The following ADGRL3 variants were observed in gnomAD, a reference collection of about 807,000 sequenced individuals.
ADGRL3 encodes calcium-independent alpha-latrotoxin receptor 3.
In ADGRL3, 62 loss-of-function variants were observed where a neutral mutation model predicts 153.5. The observed-to-expected ratio is 0.40, with a 90% CI of 0.33 to 0.50. The LOEUF is 0.50. Ranked by LOEUF, ADGRL3 falls within the 20% of genes least tolerant of loss-of-function variation. ADGRL3 has a pLI of 0.47. For missense variants in ADGRL3, 1,641 were observed against 1,859.4 expected, an observed-to-expected ratio of 0.88 and a Z score of 2.16; for synonymous variants, 710 against 672.5, an observed-to-expected ratio of 1.06 and a Z score of -0.86.
At chr4:62,021,576 TA>T (rs1462460142) in intron 21 of ADGRL3, among the ~76,000 whole-genome samples, 1 of 152,208 alleles carries the variant, frequency 6.6e-6, no homozygotes, top group Non-Finnish European at 1.5e-5. Context: ...TTGCATTTTT[TA>T]CAAATTGTAA....
intron 17 of ADGRL3, among the ~76,000 whole-genome samples, chr4:61,955,863 A>C: frequency 6.6e-6 from 1 of 152,254 alleles, no homozygotes; most frequent in Non-Finnish European, 1.5e-5. Context: ...AAAGGACATG[A>C]CCTCATTCCT....
Position 61,587,313 on chromosome 4 carries a change from A to G in ADGRL3, c.346A>G (p.Thr116Ala), listed in dbSNP as rs750964641. Reference sequence around the variant, plus strand: ...TCCTATAGAGCTTCGCTGTCCAGGAACAGACGTCATCATGATAGAAAGTGC... The same window carrying G: ...TCCTATAGAGCTTCGCTGTCCAGGAGCAGACGTCATCATGATAGAAAGTGC... ...SYPIELRCPG[T>A]DVIMIESANY... The change falls in exon 5 of 27, where the codon ACA becomes GCA. Residue 116 changes from threonine (T) to alanine (A), a missense_variant. Transcript: ENST00000683033. 3 of 1,612,088 alleles carry G rather than the reference A, an allele frequency of 1.9e-6. No individual in the cohort carries two copies. The highest frequency in any genetic ancestry group is 2.5e-6 in the Non-Finnish European group (3 of 1,178,920).
At chr4:61,280,396 T>C (rs556591966) in intron 1 of ADGRL3, among the ~76,000 whole-genome samples, 40 of 139,460 alleles carry the variant, frequency 2.9e-4, no homozygotes, top group African/African-American at 1.0e-3. Flanking sequence ...CATGAGCCAC[T>C]GCGCCTGGCC....
chr4:61,308,286 G>A (rs1427857204), intron 1 of ADGRL3, among the ~76,000 whole-genome samples: 2 of 152,136 alleles, frequency 1.3e-5, no homozygotes, highest in African/African-American at 4.8e-5. Context: ...GGAGGGAAAA[G>A]TCTCCCACCC....
At chr4:61,330,155 T>C (rs1240586174) in intron 1 of ADGRL3, among the ~76,000 whole-genome samples, 1 of 152,200 alleles carries the variant, frequency 6.6e-6, no homozygotes, top group Non-Finnish European at 1.5e-5. Context: ...GACAGACGTA[T>C]TCTTTGGTGA....
chr4:61,566,614 TG>T (rs1214249722), intron 4 of ADGRL3, among the ~76,000 whole-genome samples: 1 of 152,138 alleles, frequency 6.6e-6, no homozygotes, highest in African/African-American at 2.4e-5. Flanking sequence ...AAATTAATTT[TG>T]GCATAAACTG....
At chr4:62,066,022 A>G (rs983530929) in intron 25 of ADGRL3, among the ~76,000 whole-genome samples, 10 of 152,078 alleles carry the variant, frequency 6.6e-5, no homozygotes, top group African/African-American at 2.4e-4. Context: ...TAAAAAACCA[A>G]AGTAAATAAC....
intron 21 of ADGRL3, among the ~76,000 whole-genome samples, chr4:62,019,321 A>T (rs895610847): frequency 2.0e-5 from 3 of 152,084 alleles, no homozygotes; most frequent in Non-Finnish European, 4.4e-5. Flanking sequence ...GATAATTGTC[A>T]TGTAGTCATA....
At chr4:62,028,832 CT>C in intron 21 of ADGRL3, 22 bp from the exon 22 acceptor site, 1 of 1,594,682 alleles carries the variant, frequency 6.3e-7, no homozygotes, top group Non-Finnish European at 8.6e-7. Context: ...GTGTTCTTGT[CT>C]TTATGTCTAT....
intron 1 of ADGRL3, among the ~76,000 whole-genome samples, chr4:61,278,884 TAGG>T (rs986830330): frequency 2.1e-4 from 32 of 152,170 alleles, no homozygotes; most frequent in African/African-American, 7.5e-4. Flanking sequence ...AAGGAACAGA[TAGG>T]AGCAAGTACA....
At chr4:61,796,177 A>G (rs1449878852) in intron 8 of ADGRL3, among the ~76,000 whole-genome samples, 1 of 152,144 alleles carries the variant, frequency 6.6e-6, no homozygotes, top group South Asian at 2.1e-4. Flanking sequence ...AACACAATGG[A>G]CTGCTTGTGG....
intron 4 of ADGRL3, among the ~76,000 whole-genome samples, chr4:61,580,564 T>G (rs1199557124): frequency 6.6e-6 from 1 of 152,096 alleles, no homozygotes; most frequent in East Asian, 1.9e-4. Flanking sequence ...CAATAAACAT[T>G]TATTATCTTA....
intron 1 of ADGRL3, among the ~76,000 whole-genome samples, chr4:61,232,390 C>T (rs1357338878): frequency 1.3e-5 from 2 of 149,470 alleles, no homozygotes; most frequent in East Asian, 4.0e-4. Context: ...CTCACTGCAA[C>T]CTCCACCTCC....
intron 2 of ADGRL3, among the ~76,000 whole-genome samples, chr4:61,481,570 C>T (rs781435097): frequency 1.3e-5 from 2 of 151,182 alleles, no homozygotes; most frequent in Non-Finnish European, 2.9e-5. Context: ...TCCATGGAAA[C>T]CTTAATGTTA....
chr4:61,213,154 T>C (rs1366046256), intron 1 of ADGRL3, among the ~76,000 whole-genome samples: 3 of 152,216 alleles, frequency 2.0e-5, no homozygotes, highest in African/African-American at 4.8e-5. Flanking sequence ...ATTAGATTTA[T>C]ATATGAGAAA....
chr4:61,538,905 G>T (rs899570489), intron 4 of ADGRL3, among the ~76,000 whole-genome samples: 1 of 152,156 alleles, frequency 6.6e-6, no homozygotes, highest in African/African-American at 2.4e-5. Flanking sequence ...GGGGTGGTAG[G>T]TGTGGGTGCA....
intron 4 of ADGRL3, among the ~76,000 whole-genome samples, chr4:61,543,581 C>T (rs970316555): frequency 4.6e-5 from 7 of 152,114 alleles, no homozygotes; most frequent in East Asian, 3.9e-4. Flanking sequence ...TTTGTTACTG[C>T]GCAATAGAAA....
chr4:61,675,950 C>A lies in ADGRL3; in HGVS notation c.474-876C>A, dbSNP rs555177120. Among the ~76,000 whole-genome samples, 50 of 151,862 alleles carry A rather than the reference C, an allele frequency of 3.3e-4. 2 individuals are homozygous for A. The highest frequency in any genetic ancestry group is 9.6e-4 in the African/African-American group (40 of 41,462). On this transcript the variant is annotated intron_variant, in intron 5 of 26. Coordinates refer to ENST00000683033, the MANE Select transcript of ADGRL3 (RefSeq NM_001387552.1). ...AGGAACCATCTTCACTTCCTCCCCCCTCTACCCCTCACTCCGTTCCCAGCC... is the reference window on the plus strand; with the variant it reads ...AGGAACCATCTTCACTTCCTCCCCCATCTACCCCTCACTCCGTTCCCAGCC...
intron 1 of ADGRL3, among the ~76,000 whole-genome samples, chr4:61,286,175 G>A (rs980012889): frequency 6.6e-6 from 1 of 151,274 alleles, no homozygotes; most frequent in African/African-American, 2.4e-5. Context: ...AGAAGATATT[G>A]TATATTTTTA....
Sources: gnomAD v4.1 joint callset for allele counts (sites outside exome capture counted in the v4.1 genomes callset) on GRCh38, gnomAD v4.1.1 for gene constraint, MANE v1.5 for transcripts, NCBI Gene and HGNC (gene_info 2026-07-23, HGNC 2026-07-21) for gene names.